USH2A: variants seen among roughly 807,000 people sequenced by gnomAD.
USH2A encodes Usher syndrome 2A (autosomal recessive, mild).
A neutral mutation model predicts 538.9 loss-of-function variants in USH2A; 443 were observed. That is an observed-to-expected ratio of 0.82 (90% confidence interval 0.76 to 0.89). The LOEUF (loss-of-function observed/expected upper bound fraction) is 0.89. USH2A is among the 40% of genes least tolerant of loss of function. The pLI is 0.00. For synonymous variants in USH2A, 2,413 were observed against 2,273.5 expected (o/e 1.06, Z -1.75); for missense variants, 6,633 against 6,324.8 (o/e 1.05, Z -1.65).
intron 61 of USH2A, among the ~76,000 whole-genome samples, chr1:215,687,061 C>T (rs1658447871): frequency 6.6e-6 from 1 of 151,982 alleles, no homozygotes; most frequent in African/African-American, 2.4e-5. Flanking sequence ...CACCCTTGTC[C>T]CAGCCCCTTG....
At chr1:216,263,944 A>G (rs1409437811) in intron 11 of USH2A, among the ~76,000 whole-genome samples, 2 of 152,290 alleles carry the variant, frequency 1.3e-5, no homozygotes, top group East Asian at 3.9e-4. Flanking sequence ...AAATCAATAT[A>G]TAAAAATTAG....
chr1:215,770,187 G>T (rs1661239734), intron 55 of USH2A, among the ~76,000 whole-genome samples: 1 of 152,162 alleles, frequency 6.6e-6, no homozygotes, highest in Admixed American at 6.5e-5. Context: ...CACCTGGACT[G>T]AGGAGTGCAT....
chr1:216,393,542 T>G (rs982886349), intron 3 of USH2A, among the ~76,000 whole-genome samples: 1 of 152,186 alleles, frequency 6.6e-6, no homozygotes, highest in African/African-American at 2.4e-5. Flanking sequence ...ACTTAAACTC[T>G]TATGACTCTT....
In USH2A at chr1:215,680,649, G is replaced by A. The variant is rs113773419; in HGVS notation, c.12067-273C>T. Among the ~76,000 whole-genome samples, 822 of 151,748 alleles carry A rather than the reference G, an allele frequency of 5.4e-3. 8 individuals are homozygous for A. The highest frequency in any genetic ancestry group is 0.019 in the African/African-American group (777 of 41,376). ...CTTTTCAGTGCTTGCAGCCCAAAGCGTGTGATATATAAACATTAAAAAAAA... is the reference window on the plus strand; with the variant it reads ...CTTTTCAGTGCTTGCAGCCCAAAGCATGTGATATATAAACATTAAAAAAAA... On this transcript the variant is annotated intron_variant, in intron 61 of 71. Transcript: ENST00000307340.
chr1:216,132,431 A>T (rs1465775705), intron 21 of USH2A, among the ~76,000 whole-genome samples: 1 of 151,978 alleles, frequency 6.6e-6, no homozygotes, highest in Non-Finnish European at 1.5e-5. Flanking sequence ...TGAATTTTCC[A>T]TGGCTCTTTG....
intron 47 of USH2A, among the ~76,000 whole-genome samples, chr1:215,836,562 TA>T (rs1297230846): frequency 0.05 from 1,350 of 27,020 alleles, 159 homozygotes; most frequent in African/African-American, 0.15. Context: ...TATATATATA[TA>T]TATTTTTTTT....
rs1397207005 is a variant in USH2A at position 215,648,751 on chromosome 1, C to G, written c.14359G>C (p.Ala4787Pro). ...AGGCCATGGAGAGTCTGCTGGGTGG[C>G]CATGCCTTCGGATAGCTGTGGAAGG... is the stretch of plus-strand genomic sequence containing the variant. ...GAETVLSEGM[A>P]TQQTLHGLQA... is the part of the protein sequence containing the mutation. Residue 4787 changes from alanine (A) to proline (P), a missense_variant, in exon 66 of 72, where the codon GCC becomes CCC. Coordinates refer to ENST00000307340, the MANE Select transcript of USH2A (RefSeq NM_206933.4). 6.2e-7 allele frequency: 1 copy of G among 1,614,066 alleles called. No homozygotes were observed. The highest frequency in any genetic ancestry group is 8.5e-7 in the Non-Finnish European group (1 of 1,180,012).
intron 60 of USH2A, among the ~76,000 whole-genome samples, chr1:215,731,734 A>C (rs1175212316): frequency 6.6e-6 from 1 of 152,150 alleles, no homozygotes; most frequent in African/African-American, 2.4e-5. Context: ...GTCACTGCTT[A>C]TTTTCAAAAG....
intron 4 of USH2A, among the ~76,000 whole-genome samples, chr1:216,330,106 T>C (rs2102662609): frequency 6.6e-6 from 1 of 152,198 alleles, no homozygotes; most frequent in Admixed American, 6.5e-5. Flanking sequence ...TGCTAAAGCC[T>C]GAACCATGGC....
intron 46 of USH2A, among the ~76,000 whole-genome samples, chr1:215,843,170 G>T (rs1379132739): frequency 6.6e-6 from 1 of 152,094 alleles, no homozygotes; most frequent in African/African-American, 2.4e-5. Context: ...GAATGAGGTA[G>T]TACTATTAAA....
At chr1:216,037,471 C>A (rs906855748) in intron 32 of USH2A, among the ~76,000 whole-genome samples, 2 of 152,124 alleles carry the variant, frequency 1.3e-5, no homozygotes, top group Non-Finnish European at 2.9e-5. Flanking sequence ...TGAACCACTT[C>A]CACCTCTTAG....
Position 215,634,725 on chromosome 1 carries a change from AG to A in USH2A, c.15053-23del, listed in dbSNP as rs539221418. 8.6e-5 allele frequency: 139 copies of A among 1,614,236 alleles called. No individual in the cohort carries two copies. The South Asian group carries it at 1.5e-3, about 17-fold the overall frequency. On this transcript the variant is annotated intron_variant, in intron 69 of 71. Coordinates refer to ENST00000307340, the MANE Select transcript of USH2A (RefSeq NM_206933.4). ...AAGCCTGCAAAACCCAGAGAAAGAA[AG>A]GGGAAATGTTATTTCAGAAAGCATT...
chr1:216,312,242 A>C (rs1046733107), intron 9 of USH2A, among the ~76,000 whole-genome samples: 10 of 152,110 alleles, frequency 6.6e-5, no homozygotes, highest in Admixed American at 1.3e-4. Flanking sequence ...GAGGAGAAGT[A>C]GAATGTAATT....
intron 46 of USH2A, among the ~76,000 whole-genome samples, chr1:215,838,624 G>T (rs1395873639): frequency 3.3e-5 from 5 of 152,114 alleles, no homozygotes; most frequent in Non-Finnish European, 7.4e-5. Context: ...AGATGCAATT[G>T]TATTTTTACC....
chr1:216,212,629 A>C (rs1361656733), intron 15 of USH2A, among the ~76,000 whole-genome samples: 1 of 151,874 alleles, frequency 6.6e-6, no homozygotes, highest in Non-Finnish European at 1.5e-5. Flanking sequence ...TTATATTAAG[A>C]GAATGATAAT....
intron 21 of USH2A, among the ~76,000 whole-genome samples, chr1:216,136,535 G>T (rs138899066): frequency 6.6e-6 from 1 of 151,828 alleles, no homozygotes; most frequent in Non-Finnish European, 1.5e-5. Context: ...TTACTTTCTC[G>T]TCAGTTATGC....
chr1:215,823,946 A>T (rs891884014), intron 47 of USH2A, among the ~76,000 whole-genome samples: 1 of 151,980 alleles, frequency 6.6e-6, no homozygotes, highest in African/African-American at 2.4e-5. Context: ...CTTATGTACT[A>T]TCTTGGTGAT....
chr1:216,142,691 TATG>T (rs1378709428), intron 21 of USH2A, among the ~76,000 whole-genome samples: 3 of 152,206 alleles, frequency 2.0e-5, no homozygotes, highest in Admixed American at 6.5e-5. Context: ...TATTTTGAAA[TATG>T]ATAACATTTA....
chr1:216,418,702 G>C (rs2039621276), intron 2 of USH2A, 23 bp from the exon 3 acceptor site: 4 of 1,612,354 alleles, frequency 2.5e-6, no homozygotes, highest in South Asian at 1.1e-5. Flanking sequence ...CCGGAAAAGA[G>C]AGAAAAGGTC....
Sources: gnomAD v4.1 joint callset for allele counts (sites outside exome capture counted in the v4.1 genomes callset) on GRCh38, gnomAD v4.1.1 for gene constraint, MANE v1.5 for transcripts, NCBI Gene and HGNC (gene_info 2026-07-23, HGNC 2026-07-21) for gene names.